The following TNS1 variants were observed in gnomAD, a reference collection of about 807,000 sequenced individuals.
TNS1 encodes tensin-1.
TNS1 carries 62 observed loss-of-function variants against 168.6 expected under a neutral mutation model. That is an observed-to-expected ratio of 0.37 (90% CI 0.30 to 0.45). The LOEUF (loss-of-function observed/expected upper bound fraction) is 0.45. Among genes scored for constraint, TNS1 ranks in the 20% least tolerant of loss-of-function variants. The probability of loss-of-function intolerance (pLI) is 1.00; values close to 1 mark genes in which losing one functional copy is unlikely to be tolerated. For synonymous variants in TNS1, 934 were observed against 933.2 expected (o/e 1.00, Z -0.02); for missense variants, 2,240 against 2,339.4 (o/e 0.96, Z 0.88).
At chr2:217,886,425 C>A in intron 13 of TNS1, 109 bp downstream of exon 13, 2 of 880,190 alleles carry the variant, frequency 2.3e-6, no homozygotes, top group South Asian at 1.5e-5. Context: ...CCTTATGACT[C>A]TGCAGCTCTC....
rs574651680 is a variant in TNS1 at position 217,815,769 on chromosome 2, A to G, written c.4643-771T>C. 3.3e-5 allele frequency among the ~76,000 whole-genome samples: 5 copies of G among 152,204 alleles called. No homozygotes were observed. The East Asian group carries it at 9.7e-4, about 29-fold the overall frequency. ...AGGTTCAGTTTCTCAACTTCAGCAT[A>G]CCCACCATGAAGATGAGGGCAGAAA... On this transcript the variant is annotated intron_variant, in intron 24 of 32. Transcript: ENST00000682258.
chr2:217,977,701 T>C (rs972263547), intron 3 of TNS1, among the ~76,000 whole-genome samples: 1 of 152,102 alleles, frequency 6.6e-6, no homozygotes. Context: ...AAACAGAAAC[T>C]CAGAGAGGTA....
intron 32 of TNS1, among the ~76,000 whole-genome samples, chr2:217,806,091 G>T (rs1939004911): frequency 2.6e-5 from 4 of 152,218 alleles, no homozygotes; most frequent in Admixed American, 2.0e-4. Context: ...GATCCTGGCA[G>T]AGGGAGGAAG....
At chr2:217,904,379 C>G (rs562062155) in intron 6 of TNS1, among the ~76,000 whole-genome samples, 2 of 152,328 alleles carry the variant, frequency 1.3e-5, no homozygotes, top group South Asian at 2.1e-4. Context: ...CCTCCTCCCC[C>G]GGGGTGGACT....
intron 3 of TNS1, among the ~76,000 whole-genome samples, chr2:217,975,815 G>C (rs114990624): frequency 6.6e-6 from 1 of 152,006 alleles, no homozygotes; most frequent in African/African-American, 2.4e-5. Flanking sequence ...TGCTTTTCTG[G>C]CTAGCACCAT....
chr2:217,893,703 C>T (rs1951990436), intron 9 of TNS1, 142 bp from the exon 10 acceptor site: 1 of 1,238,664 alleles, frequency 8.1e-7, no homozygotes, highest in African/African-American at 1.5e-5. Context: ...TCCTCCCTGC[C>T]CACTGGCCAG....
chr2:217,884,292 T>C (rs1381868142), intron 16 of TNS1, among the ~76,000 whole-genome samples: 1 of 151,852 alleles, frequency 6.6e-6, no homozygotes, highest in East Asian at 1.9e-4. Flanking sequence ...GGTGGATGGA[T>C]GGACAGATGG....
In TNS1 at chr2:217,836,147, A is replaced by G. The variant is rs1470279973; in HGVS notation, c.3072T>C (p.Ser1024=). Reference sequence around the variant, plus strand: ...GAGACTGGTTCTCATACTGTCCATCACTGGCCGCCCGCCTCCGCAGAGGGG... The same window carrying G: ...GAGACTGGTTCTCATACTGTCCATCGCTGGCCGCCCGCCTCCGCAGAGGGG... The part of the protein sequence containing the change: ...PPAPLRRRAA[S]DGQYENQSPE... The change falls in exon 20 of 33, where the codon AGT becomes AGC. Residue 1024 remains serine, a synonymous_variant. Transcript: ENST00000682258. 7.4e-6 allele frequency: 12 copies of G among 1,613,942 alleles called. No homozygotes were observed. Among genetic ancestry groups the G allele is most frequent in the Non-Finnish European group, 1.0e-5 (12 of 1,179,926 alleles).
chr2:217,939,548 G>C (rs1399218931), intron 3 of TNS1, among the ~76,000 whole-genome samples: 3 of 152,242 alleles, frequency 2.0e-5, no homozygotes, highest in Non-Finnish European at 4.4e-5. Flanking sequence ...TGCAGGAGAA[G>C]ATGAAGGTCT....
At chr2:218,024,943 A>G (rs919581112) in intron 1 of TNS1, among the ~76,000 whole-genome samples, 1 of 152,190 alleles carries the variant, frequency 6.6e-6, no homozygotes, top group Non-Finnish European at 1.5e-5. Flanking sequence ...CATGTCAACT[A>G]AAACAACTGA....
At chr2:218,005,943 C>T (rs1958653600), upstream of TNS1, among the ~76,000 whole-genome samples, 2 of 152,206 alleles carry the variant, frequency 1.3e-5, no homozygotes, top group African/African-American at 4.8e-5. Context: ...TGGATGGTTT[C>T]ATTCATCTTG....
intron 22 of TNS1, among the ~76,000 whole-genome samples, chr2:217,829,135 G>A (rs1254711390): frequency 2.0e-5 from 3 of 152,120 alleles, no homozygotes; most frequent in African/African-American, 7.2e-5. Context: ...CAGCACTTTG[G>A]GAGGCCAAGG....
At chr2:217,875,665 A>G (rs988411169) in intron 18 of TNS1, among the ~76,000 whole-genome samples, 2 of 151,164 alleles carry the variant, frequency 1.3e-5, no homozygotes, top group South Asian at 4.2e-4. Flanking sequence ...TTCCTCTTTC[A>G]AAAAAAAAGT....
Position 217,917,971 on chromosome 2 carries a change from C to T in TNS1, c.228+2224G>A, listed in dbSNP as rs373407130. Among the ~76,000 whole-genome samples, 87 of 151,878 alleles carry T rather than the reference C, an allele frequency of 5.7e-4. No individual in the cohort carries two copies. The South Asian group carries it at 0.011, about 19-fold the overall frequency. On this transcript the variant is annotated intron_variant, in intron 4 of 32. Coordinates refer to ENST00000682258, the MANE Select transcript of TNS1 (RefSeq NM_001387777.1). Reference sequence around the variant, plus strand: ...TTCAAGAACCAGCAGGAAGGCCGGGCGGCTGAAACAGAATGAGTGAGGTGC... The same window carrying T: ...TTCAAGAACCAGCAGGAAGGCCGGGTGGCTGAAACAGAATGAGTGAGGTGC...
chr2:217,932,633 G>A (rs568112391), intron 3 of TNS1, among the ~76,000 whole-genome samples: 3 of 152,202 alleles, frequency 2.0e-5, no homozygotes, highest in African/African-American at 7.2e-5. Flanking sequence ...GGTCCTATTC[G>A]TATCCCCATT....
chr2:218,004,376 C>T (rs530805557), upstream of TNS1, among the ~76,000 whole-genome samples: 1 of 152,194 alleles, frequency 6.6e-6, no homozygotes, highest in African/African-American at 2.4e-5. Flanking sequence ...CCTCCCCCCC[C>T]CACTCACCCA....
At chr2:217,831,400 A>G in intron 22 of TNS1, 55 bp downstream of exon 22, 1 of 1,454,268 alleles carries the variant, frequency 6.9e-7, no homozygotes. Flanking sequence ...GTCCAGAACC[A>G]CAGGAGTCCT....
upstream of TNS1, among the ~76,000 whole-genome samples, chr2:218,004,121 T>G (rs1958625179): frequency 6.6e-6 from 1 of 152,224 alleles, no homozygotes; most frequent in Admixed American, 6.5e-5. Flanking sequence ...TCACCCGCTC[T>G]GTTCTTTGGA....
At chr2:217,822,705 G>A (rs1025854902) in intron 22 of TNS1, among the ~76,000 whole-genome samples, 9 of 152,150 alleles carry the variant, frequency 5.9e-5, no homozygotes, top group Non-Finnish European at 8.8e-5. Context: ...GGGGACACAC[G>A]CTAGAAAAGG....
Sources: allele counts gnomAD v4.1 joint callset (sites outside exome capture counted in the v4.1 genomes callset), GRCh38; gene constraint gnomAD v4.1.1; transcripts MANE v1.5; gene names NCBI Gene and HGNC (gene_info 2026-07-23, HGNC 2026-07-21).